The following PPP2R5E variants were observed in gnomAD, a reference collection of about 807,000 sequenced individuals.
The protein encoded by PPP2R5E is serine/threonine-protein phosphatase 2A 56 kDa regulatory subunit epsilon isoform.
A neutral mutation model predicts 65.3 loss-of-function variants in PPP2R5E; 4 were observed. The ratio of observed to expected loss-of-function variants is 0.06; its 90% CI spans 0.03 to 0.14. The LOEUF is 0.14. PPP2R5E is among the 10% of genes least tolerant of loss of function. The pLI, the probability that PPP2R5E is intolerant of heterozygous loss-of-function variation, is 1.00. For missense variants in PPP2R5E, 274 were observed against 556.1 expected (o/e 0.49, Z 5.10); for synonymous variants, 183 against 187.4 (o/e 0.98, Z 0.19).
chr14:63,456,206 T>C (rs1173570248), intron 2 of PPP2R5E, among the ~76,000 whole-genome samples: 1 of 152,236 alleles, frequency 6.6e-6, no homozygotes, highest in Non-Finnish European at 1.5e-5. Flanking sequence ...ACATAGCATA[T>C]ATAACTTATA....
chr14:63,434,835 A>G (rs958739277), intron 3 of PPP2R5E, among the ~76,000 whole-genome samples: 1 of 152,114 alleles, frequency 6.6e-6, no homozygotes, highest in Non-Finnish European at 1.5e-5. Flanking sequence ...TCAACAAGTC[A>G]TTTTATTTAT....
intron 3 of PPP2R5E, among the ~76,000 whole-genome samples, chr14:63,433,084 C>G (rs1433677138): frequency 1.5e-5 from 2 of 137,846 alleles, no homozygotes; most frequent in African/African-American, 5.5e-5. Context: ...GTCACCCAGG[C>G]TGGAGTGCAG....
chr14:63,440,884 G>A (rs1184163290), intron 3 of PPP2R5E, among the ~76,000 whole-genome samples: 1 of 147,262 alleles, frequency 6.8e-6, no homozygotes, highest in Non-Finnish European at 1.5e-5. Context: ...GGGAGGCGGA[G>A]CTTGCAGTGA....
chr14:63,403,276 A>G (rs184871672), intron 5 of PPP2R5E, among the ~76,000 whole-genome samples: 1 of 151,958 alleles, frequency 6.6e-6, no homozygotes, highest in East Asian at 1.9e-4. Context: ...GAAAATACAA[A>G]AATTAGTCTG....
chr14:63,480,400 G>C (rs1449276529), intron 2 of PPP2R5E, among the ~76,000 whole-genome samples: 1 of 150,492 alleles, frequency 6.6e-6, no homozygotes, highest in African/African-American at 2.4e-5. Flanking sequence ...AGGCTGCAGT[G>C]AACCGAGATC....
chr14:63,519,475 C>T lies in PPP2R5E; in HGVS notation c.157+20054G>A, dbSNP rs149665075. Among the ~76,000 whole-genome samples, 957 of 148,714 alleles carry T rather than the reference C, an allele frequency of 6.4e-3. 7 individuals carry two copies. The highest frequency in any genetic ancestry group is 0.022 in the African/African-American group (872 of 40,160). On this transcript the variant is annotated intron_variant, in intron 2 of 13. Coordinates refer to ENST00000337537, the MANE Select transcript of PPP2R5E (RefSeq NM_006246.5). ...AAGTGATTCTCCCCCCGAGTAGCTG[C>T]GATTACAGGCACACACCACCATGCC...
At chr14:63,508,192 C>T (rs924259504) in intron 2 of PPP2R5E, 22 of 985,504 alleles carry the variant, frequency 2.2e-5, no homozygotes, top group Non-Finnish European at 2.4e-5. Context: ...CTTCCCTCCT[C>T]GCACACCTCA....
intron 2 of PPP2R5E, among the ~76,000 whole-genome samples, chr14:63,522,160 G>A (rs1238886757): frequency 6.6e-6 from 1 of 152,092 alleles, no homozygotes. Flanking sequence ...TGGCCGGGCT[G>A]GTCTCCAGCT....
intron 5 of PPP2R5E, among the ~76,000 whole-genome samples, chr14:63,397,496 G>A (rs1483160378): frequency 8.9e-6 from 1 of 112,126 alleles, no homozygotes. Flanking sequence ...AGCAAGATTC[G>A]GTCTTTAAAA....
chr14:63,509,458 G>A, intron 2 of PPP2R5E, among the ~76,000 whole-genome samples: 1 of 151,864 alleles, frequency 6.6e-6, no homozygotes, highest in Admixed American at 6.6e-5. Flanking sequence ...ATTTTTAGTA[G>A]AGAAGGGGTT....
chr14:63,536,416 C>A (rs972953294), intron 2 of PPP2R5E, among the ~76,000 whole-genome samples: 1 of 152,122 alleles, frequency 6.6e-6, no homozygotes, highest in African/African-American at 2.4e-5. Context: ...AAAACTGGAA[C>A]CCTCATGCAT....
intron 3 of PPP2R5E, chr14:63,452,942 C>T (rs960757967): frequency 6.6e-6 from 1 of 152,254 alleles, no homozygotes; most frequent in Non-Finnish European, 1.5e-5. Flanking sequence ...AGACCAGCTT[C>T]CCCACCCTGC....
rs796412254 is a variant in PPP2R5E, at chr14:63,504,937, TAAG to T, written c.157+34589_157+34591del. 4.6e-5 allele frequency among the ~76,000 whole-genome samples: 7 copies of T among 152,318 alleles called. No individual in the cohort carries two copies. In the East Asian group the frequency reaches 1.2e-3, roughly 25 times the overall value. On this transcript the variant is annotated intron_variant, in intron 2 of 13. Transcript: ENST00000337537. Reference sequence around the variant, plus strand: ...TAAATATGTCTTGCATGACTTAGGTTAAGAAGATGGGGATCATTAAGGACTAAA... The same window carrying T: ...TAAATATGTCTTGCATGACTTAGGTTAAGATGGGGATCATTAAGGACTAAA...
intron 2 of PPP2R5E, among the ~76,000 whole-genome samples, chr14:63,473,491 C>T (rs946792983): frequency 6.6e-5 from 10 of 152,090 alleles, no homozygotes; most frequent in Middle Eastern, 3.2e-3. Context: ...ATGAAGTGCC[C>T]GCAAAAACAA....
intron 13 of PPP2R5E, among the ~76,000 whole-genome samples, chr14:63,376,906 G>A (rs1038613640): frequency 2.0e-5 from 3 of 152,200 alleles, no homozygotes; most frequent in Middle Eastern, 3.4e-3. Flanking sequence ...AGTGGCTCAC[G>A]CCTGTAATCC....
intron 2 of PPP2R5E, among the ~76,000 whole-genome samples, chr14:63,521,390 C>T (rs372950813): frequency 2.9e-4 from 44 of 152,086 alleles, no homozygotes; most frequent in African/African-American, 9.9e-4. Context: ...GTTAGTTGGC[C>T]GGGCGCAGTG....
intron 2 of PPP2R5E, among the ~76,000 whole-genome samples, chr14:63,500,513 T>C (rs1020929938): frequency 6.6e-6 from 1 of 152,238 alleles, no homozygotes; most frequent in Non-Finnish European, 1.5e-5. Context: ...CTTGTATGGT[T>C]AACTGGTAAT....
chr14:63,475,735 G>A (rs1392780538), intron 2 of PPP2R5E, among the ~76,000 whole-genome samples: 2 of 151,954 alleles, frequency 1.3e-5, no homozygotes, highest in African/African-American at 2.4e-5. Flanking sequence ...ACACTGCCTA[G>A]AAGTGGCTTT....
At chr14:63,383,645 G>A (rs1444942838) in intron 12 of PPP2R5E, among the ~76,000 whole-genome samples, 2 of 152,144 alleles carry the variant, frequency 1.3e-5, no homozygotes, top group Non-Finnish European at 2.9e-5. Flanking sequence ...AATTTTTAAA[G>A]ATAAACATAT....
Sources: allele counts gnomAD v4.1 joint callset (sites outside exome capture counted in the v4.1 genomes callset), GRCh38; gene constraint gnomAD v4.1.1; transcripts MANE v1.5; gene names NCBI Gene and HGNC (gene_info 2026-07-23, HGNC 2026-07-21).